Variants in ADAMTS13 observed in about 807,000 individuals in gnomAD.
The protein encoded by ADAMTS13 is ADAM metallopeptidase with thrombospondin type 1 motif 13, also known as A disintegrin and metalloproteinase with thrombospondin motifs 13.
A neutral mutation model predicts 155.1 loss-of-function variants in ADAMTS13; 110 were observed. That is an observed-to-expected ratio of 0.71 (90% CI 0.61 to 0.83). The LOEUF is 0.83. Ranked by LOEUF, ADAMTS13 falls within the 40% of genes least tolerant of loss-of-function variation. ADAMTS13 has a pLI of 0.00. For missense variants in ADAMTS13, 1,707 were observed against 1,891.7 expected (o/e 0.90, Z 1.81); for synonymous variants, 758 against 756.4 (o/e 1.00, Z -0.03).
At position 133,436,973 on chromosome 9, in the gene ADAMTS13, T is replaced by G. The variant is rs781963549; in HGVS notation, c.1435+18T>G. On this transcript the variant is annotated intron_variant, in intron 12 of 28. Coordinates refer to ENST00000355699, the MANE Select transcript of ADAMTS13 (RefSeq NM_139027.6). ...CAGCCAAGGTGGGGCCTGCGGAGTG[T>G]GGGGTTGGGGGAGGAGCCAGCCCTG... The G allele has an allele frequency of 2.5e-6, 4 of 1,592,084 alleles. No individual in the cohort carries two copies. Among genetic ancestry groups the G allele is most frequent in the South Asian group, 2.3e-5 (2 of 87,856 alleles).
At chr9:133,417,895 C>G (rs782039373), upstream of ADAMTS13, 13 of 1,542,478 alleles carry the variant, frequency 8.4e-6, no homozygotes, top group South Asian at 1.5e-4. Flanking sequence ...CCCCGGCCTC[C>G]CCGGGCCCGG....
At chr9:133,457,440 G>T (rs1319138735) in intron 27 of ADAMTS13, among the ~76,000 whole-genome samples, 1 of 152,182 alleles carries the variant, frequency 6.6e-6, no homozygotes, top group Non-Finnish European at 1.5e-5. Flanking sequence ...CCTGCCAAAA[G>T]GCCACAAGCC....
rs587611213 is a variant in ADAMTS13 at position 133,424,395 on chromosome 9, G to A, written c.247G>A (p.Glu83Lys). 7 of 1,613,674 alleles carry A rather than the reference G, an allele frequency of 4.3e-6. No individual in the cohort carries two copies. In the East Asian group the frequency reaches 1.3e-4, roughly 31 times the overall value. ...RRAAGGILHL[E>K]LLVAVGPDVF... is the part of the protein sequence containing the mutation. Reference sequence around the variant, plus strand: ...GGCTGCAGGCGGCATCCTACACCTGGAGCTGCTGGTGGCCGTGGGCCCCGA... The same window carrying A: ...GGCTGCAGGCGGCATCCTACACCTGAAGCTGCTGGTGGCCGTGGGCCCCGA... The change falls in exon 3 of 29, where the codon GAG becomes AAG. Residue 83 changes from glutamate to lysine, a missense_variant. This residue lies in a region of ADAMTS13 where 733 missense variants were observed against 749.6 expected (regional missense o/e 0.98). Coordinates refer to ENST00000355699, the MANE Select transcript of ADAMTS13 (RefSeq NM_139027.6). The surrounding 1 kb of genome is among the most constrained non-coding windows in gnomAD (Gnocchi z 4.3).
intron 23 of ADAMTS13, among the ~76,000 whole-genome samples, chr9:133,453,878 G>A (rs587637914): frequency 2.0e-5 from 3 of 152,126 alleles, no homozygotes; most frequent in Non-Finnish European, 2.9e-5. Context: ...AAGAGGCAGC[G>A]CTGCAGGGTC....
Position 133,430,114 on chromosome 9 carries a change from G to A in ADAMTS13, c.987+13G>A, listed in dbSNP as rs781918765. 4.7e-5 allele frequency: 74 copies of A among 1,569,316 alleles called. No homozygotes were observed. In the East Asian group the frequency reaches 1.4e-3, roughly 30 times the overall value. On this transcript the variant is annotated intron_variant, in intron 8 of 28. Coordinates refer to ENST00000355699, the MANE Select transcript of ADAMTS13 (RefSeq NM_139027.6). ...CAGGGAGCACCTGGTGAGTCTGCCG[G>A]CGGTGGCCTGGGATTGGCTGTGAGG... is the stretch of plus-strand genomic sequence containing the variant.
Position 133,442,859 on chromosome 9 carries a change from G to A in ADAMTS13, c.2234+116G>A, listed in dbSNP as rs867770015. On this transcript the variant is annotated intron_variant, in intron 18 of 28. Transcript: ENST00000355699. ...GGCAGGGCCGGGCTGAGCTGCTCCTGTGCAGGCTCTCATTACCCCTGCCCA... is the reference window on the plus strand; with the variant it reads ...GGCAGGGCCGGGCTGAGCTGCTCCTATGCAGGCTCTCATTACCCCTGCCCA... 64 of 1,439,554 alleles carry A rather than the reference G, an allele frequency of 4.4e-5. No homozygotes were observed. The Middle Eastern group carries it at 1.8e-3, about 40-fold the overall frequency. 89.2% of individuals were successfully genotyped at this position (1,439,554 alleles called of 1,614,324 possible). A position where few individuals can be genotyped will look rare whatever the true frequency, so the allele number is the denominator to read the frequency against.
intron 19 of ADAMTS13, among the ~76,000 whole-genome samples, chr9:133,443,881 C>T (rs1467799421): frequency 1.3e-5 from 2 of 152,118 alleles, no homozygotes; most frequent in African/African-American, 4.8e-5. Flanking sequence ...ACTTTCTCAT[C>T]ACCACCATCT....
chr9:133,419,733 GTTTTC>G (rs1554782602), upstream of ADAMTS13, among the ~76,000 whole-genome samples: 1 of 152,040 alleles, frequency 6.6e-6, no homozygotes, highest in African/African-American at 2.4e-5. Context: ...ACCGAAAAGG[GTTTTC>G]TTTTTTTTTG....
intron 19 of ADAMTS13, among the ~76,000 whole-genome samples, 175 bp downstream of exon 19, chr9:133,443,736 T>C (rs1021151164): frequency 6.6e-6 from 1 of 152,122 alleles, no homozygotes; most frequent in Admixed American, 6.5e-5. Context: ...CAGAGTTCCT[T>C]ACTACCCAGG....
At chr9:133,452,013 T>G (rs927224272) in intron 23 of ADAMTS13, among the ~76,000 whole-genome samples, 3 of 151,946 alleles carry the variant, frequency 2.0e-5, no homozygotes, top group African/African-American at 7.3e-5. Flanking sequence ...TCTAAATTGT[T>G]AACTAGCATC....
chr9:133,422,837 A>C (rs1840039343), intron 1 of ADAMTS13, among the ~76,000 whole-genome samples: 1 of 139,538 alleles, frequency 7.2e-6, no homozygotes, highest in East Asian at 2.2e-4. Flanking sequence ...CCTGTCTCTG[A>C]TTTCCCCCTC....
chr9:133,429,742 C>A (rs929541847), intron 7 of ADAMTS13, 197 bp from the exon 8 acceptor site: 5 of 778,416 alleles, frequency 6.4e-6, no homozygotes, highest in Non-Finnish European at 1.1e-5. Context: ...CCACCCACCT[C>A]TGCGCCGGCA....
chr9:133,446,265 C>T (rs1049945581), intron 21 of ADAMTS13, among the ~76,000 whole-genome samples: 2 of 152,212 alleles, frequency 1.3e-5, no homozygotes, highest in East Asian at 1.9e-4. Context: ...TGTTGTGCGG[C>T]CATCACCACC....
At position 133,425,842 on chromosome 9, in the gene ADAMTS13, GGTT is replaced by G. The variant is rs978811415; in HGVS notation, c.415-92_415-90del. On this transcript the variant is annotated intron_variant, in intron 4 of 28. Transcript: ENST00000355699. This position sits in a 1 kb window ranked among gnomAD's most constrained non-coding sequence, Gnocchi z 4.6. Reference sequence around the variant, plus strand: ...CATCCCTAACACGGGCTAGTCATAGGGTTGTTAGGAGGACTAACTGGGAAACAA... The same window carrying G: ...CATCCCTAACACGGGCTAGTCATAGGGTTAGGAGGACTAACTGGGAAACAA... 1 of 1,568,730 alleles carries G rather than the reference GGTT, an allele frequency of 6.4e-7. No individual in the cohort carries two copies. The highest frequency in any genetic ancestry group is 1.8e-5 in the Admixed American group (1 of 54,746).
chr9:133,426,242 G>T lies in ADAMTS13; in HGVS notation c.583G>T (p.Val195Phe). 6.2e-7 allele frequency: 1 copy of T among 1,613,266 alleles called. No individual in the cohort carries two copies. The stretch of plus-strand genomic sequence containing the variant: ...TGATGGTAACCGGCAGGTGCGGGGC[G>T]TCACCCAGCTGGGCGGTGCCTGCTC... ...LPDGNRQVRGVTQLGGACSPT... is the reference protein window; with the variant it reads ...LPDGNRQVRGFTQLGGACSPT... Residue 195 changes from valine to phenylalanine, a missense_variant, in exon 6 of 29, where the codon GTC becomes TTC. Around this residue, in one of 3 missense-constraint regions of ADAMTS13, gnomAD observed 733 missense variants for 749.6 expected, o/e 0.98. Coordinates refer to ENST00000355699, the MANE Select transcript of ADAMTS13 (RefSeq NM_139027.6).
rs10699153 is a variant in ADAMTS13, at chr9:133,458,555, C to CAAAAAAAAAAA, written c.3910-408_3910-398dup. ...TGGGCAACAGAGTGAGACTCTGTCT[C>CAAAAAAAAAAA]AAAAAAAAAAAAAAAAAAAAAGCGA... On this transcript the variant is annotated intron_variant, in intron 28 of 28. Coordinates refer to ENST00000355699, the MANE Select transcript of ADAMTS13 (RefSeq NM_139027.6). 1.1e-3 allele frequency among the ~76,000 whole-genome samples: 61 copies of CAAAAAAAAAAA among 56,210 alleles called. 2 individuals carry two copies. The highest frequency in any genetic ancestry group is 1.6e-3 in the African/African-American group (21 of 13,452). The allele number at this position is 56,210 out of a possible 152,430, so 36.9% of individuals were successfully genotyped here. A position where few individuals can be genotyped will look rare whatever the true frequency, so the allele number is the denominator to read the frequency against.
Position 133,414,693 on chromosome 9 carries a change from T to C in ADAMTS13, n.287+49T>C, listed in dbSNP as rs782583620. The C allele has an allele frequency of 1.8e-5, 29 of 1,613,952 alleles. No homozygotes were observed. Among genetic ancestry groups the C allele is most frequent in the Non-Finnish European group, 2.5e-5 (29 of 1,179,968 alleles). On this transcript the variant is annotated intron_variant and non_coding_transcript_variant, in intron 1 of 17. Transcript: ENST00000485925. ...GTGGGTGGGGCTGGGGCTGCCTCCT[T>C]AGCTTTCCGCTTCTTATGCTCGATG...
chr9:133,423,024 C>T (rs587751172), intron 1 of ADAMTS13, 77 bp from the exon 2 acceptor site: 86 of 1,321,680 alleles, frequency 6.5e-5, no homozygotes, highest in Non-Finnish European at 9.2e-5. Context: ...GATCCTCCCA[C>T]CTCGGTCTCC....
At chr9:133,423,194 G>C (rs370996028) in intron 2 of ADAMTS13, 27 bp downstream of exon 2, 4 of 1,604,530 alleles carry the variant, frequency 2.5e-6, no homozygotes, top group Admixed American at 1.7e-5. Flanking sequence ...CTTCTCTCCC[G>C]GGGGGAGTTT....
Sources: allele counts gnomAD v4.1 joint callset (sites outside exome capture counted in the v4.1 genomes callset), GRCh38; gene constraint gnomAD v4.1.1; regional missense constraint gnomAD v4.1.1; non-coding constraint Gnocchi (gnomAD v3.1); transcripts MANE v1.5; gene names NCBI Gene and HGNC (gene_info 2026-07-23, HGNC 2026-07-21).